C21orf58: variants seen among roughly 807,000 people sequenced by gnomAD.
C21orf58 encodes the protein chromosome 21 open reading frame 58.
Under a neutral mutation model 35.8 loss-of-function variants are expected in C21orf58, and 34 were observed. The ratio of observed to expected loss-of-function variants is 0.95; its 90% confidence interval spans 0.72 to 1.26. The LOEUF (loss-of-function observed/expected upper bound fraction) is 1.26. C21orf58 is among the 50% of genes most tolerant of loss of function. C21orf58 has a pLI of 0.00. For synonymous variants in C21orf58, 191 were observed against 175.8 expected (o/e 1.09, Z -0.68); for missense variants, 440 against 414.3 (o/e 1.06, Z -0.54).
chr21:46,311,282 T>A (rs2082674364), intron 6 of C21orf58, among the ~76,000 whole-genome samples, 174 bp downstream of exon 6: 1 of 152,200 alleles, frequency 6.6e-6, no homozygotes, highest in South Asian at 2.1e-4. Flanking sequence ...TTCTTATACC[T>A]CTTGTTTCCT....
Position 46,323,093 on chromosome 21 carries a change from T to C in C21orf58, c.-355A>G, listed in dbSNP as rs1331486823. The C allele has an allele frequency of 6.1e-6, 1 of 163,534 alleles. No homozygotes were observed. The highest frequency in any genetic ancestry group is 2.4e-5 in the African/African-American group (1 of 41,934). 10.1% of individuals were successfully genotyped at this position (163,534 alleles called of 1,614,324 possible). A position where few individuals can be genotyped will look rare whatever the true frequency, so the allele number is the denominator to read the frequency against. The stretch of plus-strand genomic sequence containing the variant: ...CGCGAGGTCACCGGCCCTGTCTTGG[T>C]TTTTTGCCACTTCGCTCCAGTTAGT... On this transcript the variant is annotated 5_prime_UTR_variant, in exon 1 of 8. Transcript: ENST00000291691.
intron 2 of C21orf58, 166 bp from the exon 3 acceptor site, chr21:46,317,434 G>T: frequency 8.3e-7 from 1 of 1,204,164 alleles, no homozygotes; most frequent in Non-Finnish European, 1.2e-6. Flanking sequence ...GGATCTCCCT[G>T]AGCTGCCTCT....
chr21:46,316,752 G>C (rs909789059), intron 3 of C21orf58, among the ~76,000 whole-genome samples: 4 of 152,214 alleles, frequency 2.6e-5, no homozygotes, highest in African/African-American at 9.6e-5. Context: ...CTTGGCAGCT[G>C]AGCCCCCACA....
At chr21:46,313,646 G>C (rs1036003119) in intron 5 of C21orf58, among the ~76,000 whole-genome samples, 11 of 152,200 alleles carry the variant, frequency 7.2e-5, no homozygotes, top group Admixed American at 3.9e-4. Context: ...TTCTGTCCTG[G>C]GAGGAGGTTT....
At chr21:46,303,316 G>A (rs1196054720) in intron 6 of C21orf58, among the ~76,000 whole-genome samples, 1 of 151,952 alleles carries the variant, frequency 6.6e-6, no homozygotes, top group African/African-American at 2.4e-5. Context: ...TCTAGCCTGG[G>A]TAACAGAGCA....
chr21:46,319,774 G>GT (rs1410712579), intron 1 of C21orf58, among the ~76,000 whole-genome samples: 1 of 152,042 alleles, frequency 6.6e-6, no homozygotes, highest in Non-Finnish European at 1.5e-5. Context: ...GTAGGCGCCT[G>GT]TAATCCCAGC....
rs1294420260 is a variant in C21orf58 at position 46,322,920 on chromosome 21, A to G, written c.-182T>C. 4.2e-6 allele frequency: 2 copies of G among 471,182 alleles called. No individual in the cohort carries two copies. Among genetic ancestry groups the G allele is most frequent in the Non-Finnish European group, 7.5e-6 (2 of 265,320 alleles). The allele number at this position is 471,182 out of a possible 1,614,324, so 29.2% of individuals were successfully genotyped here. On this transcript the variant is annotated 5_prime_UTR_variant, in exon 1 of 8. Transcript: ENST00000291691. The stretch of plus-strand genomic sequence containing the variant: ...GGGAAGGGCATCGTTACTGCTGCAA[A>G]CAAGCACACGGCCCTCCACGACGAA...
At chr21:46,303,733 ATATATATATATATTTTTTTTT>A (rs1310957703) in intron 6 of C21orf58, among the ~76,000 whole-genome samples, 19 of 32,228 alleles carry the variant, frequency 5.9e-4, no homozygotes, top group South Asian at 1.0e-3. Context: ...ATATATATAT[ATATATATATATATTTTTTTTT>A]TTTTTTTTTT....
intron 6 of C21orf58, among the ~76,000 whole-genome samples, chr21:46,304,279 C>G (rs1242958620): frequency 3.3e-5 from 5 of 151,986 alleles, no homozygotes; most frequent in Admixed American, 3.3e-4. Context: ...ATCTGCCCGC[C>G]TCGGCCTCCC....
At chr21:46,318,454 G>A in intron 1 of C21orf58, 1 of 1,410,992 alleles carries the variant, frequency 7.1e-7, no homozygotes, top group Non-Finnish European at 9.2e-7. Context: ...TGAGGCAGAG[G>A]GGCAGAACCC....
chr21:46,319,690 A>T (rs1353530252), intron 1 of C21orf58, among the ~76,000 whole-genome samples: 1 of 151,894 alleles, frequency 6.6e-6, no homozygotes, highest in Non-Finnish European at 1.5e-5. Context: ...CGAGGTCAGG[A>T]GGTCGAGACA....
chr21:46,306,036 A>C (rs977700310), intron 6 of C21orf58, among the ~76,000 whole-genome samples: 2 of 146,918 alleles, frequency 1.4e-5, no homozygotes, highest in Non-Finnish European at 3.0e-5. Flanking sequence ...GGAGTTTTGG[A>C]CCTGCCTTAG....
At chr21:46,315,052 G>A (rs2082920000) in intron 4 of C21orf58, 172 bp from the exon 5 acceptor site, 2 of 1,511,572 alleles carry the variant, frequency 1.3e-6, no homozygotes, top group Admixed American at 2.2e-5. Flanking sequence ...GTGGCCTCCT[G>A]AAATTGACCC....
intron 2 of C21orf58, 41 bp from the exon 3 acceptor site, chr21:46,317,309 G>A (rs369364192): frequency 1.1e-5 from 18 of 1,599,924 alleles, no homozygotes; most frequent in East Asian, 6.7e-5. Context: ...GTGGCTCCAC[G>A]CAAAGGCCCT....
intron 5 of C21orf58, among the ~76,000 whole-genome samples, chr21:46,312,083 C>A (rs2082753974): frequency 6.6e-6 from 1 of 152,026 alleles, no homozygotes; most frequent in Non-Finnish European, 1.5e-5. Flanking sequence ...ATCCACCCAC[C>A]CATCCATCCA....
chr21:46,303,604 C>T (rs1601630389), intron 6 of C21orf58, among the ~76,000 whole-genome samples: 1 of 148,302 alleles, frequency 6.7e-6, no homozygotes, highest in East Asian at 2.0e-4. Context: ...GTGATGCTCG[C>T]ACTTTGGGAG....
Position 46,311,459 on chromosome 21 carries a change from C to A in C21orf58, c.718G>T (p.Glu240Ter). Reference protein sequence around the residue: ...FPTQRSGSIKEDMVELLLLQN... With the variant: ...FPTQRSGSIK ...AATATGAATATGGAACACTTACCTT[C>A]CTTAATACTTCCTGACCGTTGAGTA... The change falls in exon 6 of 8, where the codon GAA becomes TAA. Residue 240 changes from glutamate to a stop codon, truncating the protein, a stop_gained. Transcript: ENST00000291691. LOFTEE classifies it high-confidence loss of function. 6.4e-7 allele frequency: 1 copy of A among 1,572,582 alleles called. No homozygotes were observed. Among genetic ancestry groups the A allele is most frequent in the South Asian group, 1.1e-5 (1 of 87,370 alleles).
At chr21:46,312,567 TCCAA>T (rs1371018828) in intron 5 of C21orf58, among the ~76,000 whole-genome samples, 1 of 152,050 alleles carries the variant, frequency 6.6e-6, no homozygotes. Context: ...GAGCCACCCA[TCCAA>T]CCAACCAACA....
chr21:46,300,788 A>T (rs779677652), downstream of C21orf58: 103 of 1,289,168 alleles, frequency 8.0e-5, no homozygotes, highest in Non-Finnish European at 9.1e-5. Flanking sequence ...GAATGAAAGA[A>T]TCTGTCCTAA....
Sources: gnomAD v4.1 joint callset for allele counts (sites outside exome capture counted in the v4.1 genomes callset) on GRCh38, gnomAD v4.1.1 for gene constraint, MANE v1.5 for transcripts, NCBI Gene and HGNC (gene_info 2026-07-23, HGNC 2026-07-21) for gene names.